AKAP6: variants seen among roughly 807,000 people sequenced by gnomAD.
AKAP6 encodes the protein A-kinase anchoring protein 6, also known as A-kinase anchor protein 6.
A neutral mutation model predicts 188.5 loss-of-function variants in AKAP6; 58 were observed. The observed-to-expected ratio is 0.31, with a 90% CI of 0.25 to 0.38. The LOEUF is 0.38. AKAP6 is among the 10% of genes least tolerant of loss of function. The pLI is 1.00. For synonymous variants in AKAP6, 989 were observed against 998.6 expected, an observed-to-expected ratio of 0.99 and a Z score of 0.18; for missense variants, 2,710 against 2,740.0, an observed-to-expected ratio of 0.99 and a Z score of 0.24.
Position 32,400,336 on chromosome 14 carries a change from T to C in AKAP6, c.-34-33124T>C, listed in dbSNP as rs139349507. ...ATCACCCTACCTTGTGGCCACTCCATGTGTCATTTACACACAAGACCCTTT... is the reference window on the plus strand; with the variant it reads ...ATCACCCTACCTTGTGGCCACTCCACGTGTCATTTACACACAAGACCCTTT... On this transcript the variant is annotated intron_variant, in intron 1 of 13. Transcript: ENST00000280979. Among the ~76,000 whole-genome samples, 280 of 151,844 alleles carry C rather than the reference T, an allele frequency of 1.8e-3. 1 individual carries two copies. Among genetic ancestry groups the C allele is most frequent in the African/African-American group, 6.4e-3 (267 of 41,474 alleles).
intron 2 of AKAP6, among the ~76,000 whole-genome samples, chr14:32,454,679 C>G (rs1312815626): frequency 2.3e-5 from 1 of 44,404 alleles, no homozygotes; most frequent in Non-Finnish European, 3.7e-5. Context: ...TTCCCTCCTT[C>G]CCTCCTTCCC....
intron 12 of AKAP6, among the ~76,000 whole-genome samples, chr14:32,776,587 A>T (rs184650595): frequency 6.6e-6 from 1 of 152,362 alleles, no homozygotes; most frequent in East Asian, 1.9e-4. Flanking sequence ...TGCACATAGT[A>T]GGTCTACAAA....
Position 32,824,689 on chromosome 14 carries a change from A to G in AKAP6, c.6876A>G (p.Ala2292=), listed in dbSNP as rs754633886. Residue 2292 remains alanine, a synonymous_variant, in exon 13 of 14, where the codon GCA becomes GCG. Transcript: ENST00000280979. ...LKANQPTDKA[A]LHPSPKTLTC... ...CAAATCAGCCAACAGACAAGGCCGC[A>G]TTGCATCCCAGCCCCAAAACTTTAA... is the stretch of plus-strand genomic sequence containing the variant. 5.0e-6 allele frequency: 8 copies of G among 1,613,814 alleles called. No homozygotes were observed. In the Admixed American group the frequency reaches 5.0e-5, roughly 10 times the overall value.
At chr14:32,513,746 A>C (rs980019414) in intron 2 of AKAP6, among the ~76,000 whole-genome samples, 1 of 152,194 alleles carries the variant, frequency 6.6e-6, no homozygotes, top group Non-Finnish European at 1.5e-5. Flanking sequence ...CAGTACAATA[A>C]AAATCATTTG....
intron 1 of AKAP6, among the ~76,000 whole-genome samples, chr14:32,412,899 G>A (rs1889533399): frequency 6.6e-6 from 1 of 152,290 alleles, no homozygotes; most frequent in African/African-American, 2.4e-5. Flanking sequence ...GGTGGGCTGA[G>A]AGTAGGTATA....
rs766604963 is a variant in AKAP6 at position 32,735,743 on chromosome 14, G to T, written c.3233G>T (p.Ser1078Ile). The change falls in exon 11 of 14, where the codon AGC (serine) becomes ATC (isoleucine). Residue 1078 changes from serine (S) to isoleucine (I), a missense_variant. Physicochemically the swap from Ser to Ile is moderately radical, Grantham distance 142 (BLOSUM62 -2). Transcript: ENST00000280979. ...GACCTGCTCTCTCCTGAAAGTGGAAGCCTGGTAAGGCAGCTGGAGGTCAGG... is the reference window on the plus strand; with the variant it reads ...GACCTGCTCTCTCCTGAAAGTGGAATCCTGGTAAGGCAGCTGGAGGTCAGG... Reference protein sequence around the residue: ...PRDLLSPESGSLVRQLEVRIK... With the variant: ...PRDLLSPESGILVRQLEVRIK... 29 of 1,613,454 alleles carry T rather than the reference G, an allele frequency of 1.8e-5. No homozygotes were observed. The highest frequency in any genetic ancestry group is 2.3e-5 in the Non-Finnish European group (27 of 1,179,768).
intron 12 of AKAP6, among the ~76,000 whole-genome samples, chr14:32,813,556 A>G (rs958749297): frequency 1.3e-5 from 2 of 152,072 alleles, no homozygotes; most frequent in Non-Finnish European, 2.9e-5. Context: ...AGGGGCCATT[A>G]TGAATAACAA....
At chr14:32,386,034 T>A (rs1888527798) in intron 1 of AKAP6, among the ~76,000 whole-genome samples, 1 of 151,210 alleles carries the variant, frequency 6.6e-6, no homozygotes, top group Non-Finnish European at 1.5e-5. Context: ...TCTATCTACA[T>A]CTCACAGTTT....
intron 4 of AKAP6, among the ~76,000 whole-genome samples, chr14:32,570,832 C>T (rs1884445490): frequency 6.6e-6 from 1 of 152,140 alleles, no homozygotes; most frequent in Non-Finnish European, 1.5e-5. Flanking sequence ...CCTTCCATGT[C>T]CCCCCAAATT....
At chr14:32,350,382 C>T (rs534624097) in intron 1 of AKAP6, among the ~76,000 whole-genome samples, 1 of 152,220 alleles carries the variant, frequency 6.6e-6, no homozygotes, top group Non-Finnish European at 1.5e-5. Flanking sequence ...TAAACCGAGA[C>T]TGGGGACATT....
intron 2 of AKAP6, among the ~76,000 whole-genome samples, chr14:32,491,588 T>A (rs1880018192): frequency 6.6e-6 from 1 of 152,222 alleles, no homozygotes; most frequent in Non-Finnish European, 1.5e-5. Flanking sequence ...GTTCAGGGAC[T>A]ACCCCTTTCC....
At chr14:32,640,315 A>C (rs1389333566) in intron 7 of AKAP6, among the ~76,000 whole-genome samples, 1 of 152,054 alleles carries the variant, frequency 6.6e-6, no homozygotes, top group African/African-American at 2.4e-5. Flanking sequence ...ATTATATCTA[A>C]TGTAATGTAT....
chr14:32,724,885 T>C (rs776269452), intron 9 of AKAP6, among the ~76,000 whole-genome samples: 18 of 144,896 alleles, frequency 1.2e-4, no homozygotes, highest in Non-Finnish European at 2.4e-4. Context: ...ATTACTGTCC[T>C]AAACCAATAG....
chr14:32,796,731 A>G (rs1003809018), intron 12 of AKAP6, among the ~76,000 whole-genome samples: 1 of 152,176 alleles, frequency 6.6e-6, no homozygotes, highest in African/African-American at 2.4e-5. Context: ...ACCATTCAGG[A>G]CATAGCCATG....
intron 3 of AKAP6, among the ~76,000 whole-genome samples, chr14:32,540,310 T>G (rs548731461): frequency 1.3e-5 from 2 of 151,632 alleles, no homozygotes; most frequent in African/African-American, 4.8e-5. Flanking sequence ...GCAATTCTCC[T>G]GCCTCAGCCT....
intron 2 of AKAP6, among the ~76,000 whole-genome samples, chr14:32,470,655 T>G (rs1434997151): frequency 1.3e-5 from 2 of 152,212 alleles, no homozygotes; most frequent in Non-Finnish European, 2.9e-5. Flanking sequence ...ATATTTAAGT[T>G]CGGTATGATA....
intron 12 of AKAP6, among the ~76,000 whole-genome samples, chr14:32,774,442 A>C (rs1403349873): frequency 1.3e-5 from 2 of 152,192 alleles, no homozygotes; most frequent in Non-Finnish European, 2.9e-5. Context: ...TCTGATAGTT[A>C]CATTGCTGAG....
At chr14:32,633,535 G>A (rs1411054460) in intron 7 of AKAP6, among the ~76,000 whole-genome samples, 2 of 152,054 alleles carry the variant, frequency 1.3e-5, no homozygotes, top group Non-Finnish European at 2.9e-5. Flanking sequence ...TGGCTGGTAT[G>A]AGCTTTGGAC....
At chr14:32,756,154 G>A (rs2032324145) in intron 11 of AKAP6, among the ~76,000 whole-genome samples, 1 of 152,086 alleles carries the variant, frequency 6.6e-6, no homozygotes, top group Non-Finnish European at 1.5e-5. Flanking sequence ...CCTGGAGCTA[G>A]GTCCACTGGG....
Sources: allele counts gnomAD v4.1 joint callset (sites outside exome capture counted in the v4.1 genomes callset), GRCh38; gene constraint gnomAD v4.1.1; transcripts MANE v1.5; gene names NCBI Gene and HGNC (gene_info 2026-07-23, HGNC 2026-07-21).